LYPD6: variants seen among roughly 807,000 people sequenced by gnomAD.
LYPD6 encodes LY6/PLAUR domain containing 6.
Under a neutral mutation model 22.7 loss-of-function variants are expected in LYPD6, and 15 were observed. The observed-to-expected ratio is 0.66, with a 90% CI of 0.44 to 1.02. The LOEUF (loss-of-function observed/expected upper bound fraction) is 1.02, where lower values mean the gene tolerates loss of function less well. LYPD6 is among the 50% of genes least tolerant of loss of function. LYPD6 has a pLI of 0.00. For missense variants in LYPD6, 189 were observed against 208.4 expected (o/e 0.91, Z 0.57); for synonymous variants, 72 against 77.5 (o/e 0.93, Z 0.37).
At chr2:149,347,433 C>T (rs920111381) in intron 1 of LYPD6, among the ~76,000 whole-genome samples, 6 of 152,070 alleles carry the variant, frequency 3.9e-5, no homozygotes, top group African/African-American at 4.8e-5. Context: ...CTCTGGCGTT[C>T]CCCCTATTTT....
intron 1 of LYPD6, among the ~76,000 whole-genome samples, chr2:149,343,294 C>CT (rs1681195862): frequency 6.6e-6 from 1 of 151,998 alleles, no homozygotes; most frequent in Admixed American, 6.5e-5. Flanking sequence ...AGCTAAAGAA[C>CT]TTTTAATAAA....
At chr2:149,464,343 G>A (rs767921593) in intron 3 of LYPD6, 4 of 278,348 alleles carry the variant, frequency 1.4e-5, no homozygotes, top group Non-Finnish European at 3.0e-5. Context: ...AGGAGTAGAA[G>A]ATAGGAAAAA....
At chr2:149,462,587 T>G (rs1250477503) in intron 3 of LYPD6, among the ~76,000 whole-genome samples, 1 of 151,592 alleles carries the variant, frequency 6.6e-6, no homozygotes, top group Non-Finnish European at 1.5e-5. Context: ...TATGGAAAGA[T>G]AAGAAACTGG....
intron 1 of LYPD6, among the ~76,000 whole-genome samples, chr2:149,392,254 G>A (rs1682327559): frequency 6.6e-6 from 1 of 152,162 alleles, no homozygotes; most frequent in South Asian, 2.1e-4. Context: ...CACACTGGAG[G>A]TTAGGGCTTC....
chr2:149,431,192 T>C (rs1299112414), intron 1 of LYPD6, among the ~76,000 whole-genome samples: 2 of 152,204 alleles, frequency 1.3e-5, no homozygotes, highest in Admixed American at 6.5e-5. Context: ...AATGAGAGTG[T>C]ACTTCTTCAT....
upstream of LYPD6, chr2:149,330,574 C>T (rs1026897043): frequency 7.3e-5 from 11 of 151,132 alleles, no homozygotes; most frequent in African/African-American, 2.2e-4. Flanking sequence ...CCCGCCTCTC[C>T]CCGCTGCGCT....
In LYPD6 at chr2:149,424,277, C is replaced by T. The variant is rs550051180; in HGVS notation, c.-71-13361C>T. On this transcript the variant is annotated intron_variant, in intron 1 of 4. Coordinates refer to ENST00000334166, the MANE Select transcript of LYPD6 (RefSeq NM_194317.5). Reference sequence around the variant, plus strand: ...AATCAGATGATGTCCATAAAATTTACGCCCTTAAGGAGCTCAAAATTTAGT... The same window carrying T: ...AATCAGATGATGTCCATAAAATTTATGCCCTTAAGGAGCTCAAAATTTAGT... Among the ~76,000 whole-genome samples the T allele has an allele frequency of 1.1e-3, 171 of 152,296 alleles. 1 individual carries two copies. Among genetic ancestry groups the T allele is most frequent in the Non-Finnish European group, 2.0e-3 (134 of 68,020 alleles).
At chr2:149,427,957 C>T (rs536517731) in intron 1 of LYPD6, among the ~76,000 whole-genome samples, 1 of 152,330 alleles carries the variant, frequency 6.6e-6, no homozygotes, top group African/African-American at 2.4e-5. Flanking sequence ...CCCTATAACT[C>T]TAGCCTTGCC....
chr2:149,423,399 G>A (rs1393414939), intron 1 of LYPD6, among the ~76,000 whole-genome samples: 2 of 152,142 alleles, frequency 1.3e-5, no homozygotes, highest in African/African-American at 2.4e-5. Context: ...GATGAAGGGG[G>A]GAAATTTTGA....
At chr2:149,403,761 C>G (rs897564126) in intron 1 of LYPD6, among the ~76,000 whole-genome samples, 4 of 152,054 alleles carry the variant, frequency 2.6e-5, no homozygotes, top group Non-Finnish European at 5.9e-5. Context: ...TCAATTTTGG[C>G]TTTTGTTGCC....
intron 1 of LYPD6, among the ~76,000 whole-genome samples, chr2:149,396,018 T>C (rs1231721436): frequency 1.3e-5 from 2 of 152,206 alleles, no homozygotes; most frequent in Non-Finnish European, 2.9e-5. Context: ...TAATGTTTTA[T>C]TTAGAATTTT....
chr2:149,484,813 G>A, the LYPD6 span, among the ~76,000 whole-genome samples: 1 of 151,974 alleles, frequency 6.6e-6, no homozygotes, highest in Non-Finnish European at 1.5e-5. Context: ...TAAAAAAAAA[G>A]GGATCAACAA....
chr2:149,417,658 A>G (rs981928678), intron 1 of LYPD6, among the ~76,000 whole-genome samples: 1 of 152,210 alleles, frequency 6.6e-6, no homozygotes, highest in Non-Finnish European at 1.5e-5. Context: ...TAGAGTAAAG[A>G]GTTCCCAAGG....
chr2:149,388,429 C>G (rs1573762958), intron 1 of LYPD6, among the ~76,000 whole-genome samples: 1 of 152,150 alleles, frequency 6.6e-6, no homozygotes, highest in African/African-American at 2.4e-5. Flanking sequence ...AAGGAAGTTT[C>G]TACTTTGGGC....
At chr2:149,477,717 G>A (rs144631443), downstream of LYPD6, among the ~76,000 whole-genome samples, 1 of 151,414 alleles carries the variant, frequency 6.6e-6, no homozygotes, top group African/African-American at 2.4e-5. Flanking sequence ...TTTCAGCCAG[G>A]TTATATCTGA....
intron 3 of LYPD6, among the ~76,000 whole-genome samples, chr2:149,466,647 CA>C (rs1681206926): frequency 6.6e-6 from 1 of 152,128 alleles, no homozygotes; most frequent in Non-Finnish European, 1.5e-5. Context: ...AAAGTATGAA[CA>C]AAGAAGTAGT....
intron 3 of LYPD6, among the ~76,000 whole-genome samples, chr2:149,458,779 G>A (rs1405351605): frequency 6.6e-6 from 1 of 152,132 alleles, no homozygotes; most frequent in East Asian, 1.9e-4. Flanking sequence ...GTAACATAAT[G>A]TACCTGAAAT....
intron 1 of LYPD6, among the ~76,000 whole-genome samples, chr2:149,413,478 G>A (rs1453311655): frequency 1.3e-5 from 2 of 152,182 alleles, no homozygotes; most frequent in African/African-American, 4.8e-5. Context: ...CCACACTACA[G>A]TTTATCTGGC....
At chr2:149,445,364 A>G (rs1252484832) in intron 2 of LYPD6, among the ~76,000 whole-genome samples, 1 of 152,232 alleles carries the variant, frequency 6.6e-6, no homozygotes, top group Non-Finnish European at 1.5e-5. Context: ...CACCAGCTGT[A>G]TTAGCACCTA....
Sources: allele counts gnomAD v4.1 joint callset (sites outside exome capture counted in the v4.1 genomes callset), GRCh38; gene constraint gnomAD v4.1.1; transcripts MANE v1.5; gene names NCBI Gene and HGNC (gene_info 2026-07-23, HGNC 2026-07-21).